The following PPM1E variants were observed in gnomAD, a reference collection of about 807,000 sequenced individuals.
The protein encoded by PPM1E is protein phosphatase 1E.
PPM1E carries 20 observed loss-of-function variants against 65.9 expected under a neutral mutation model. The ratio of observed to expected loss-of-function variants is 0.30; its 90% CI spans 0.21 to 0.44. PPM1E has a LOEUF of 0.44. Among genes scored for constraint, PPM1E ranks in the 20% least tolerant of loss-of-function variants. PPM1E has a pLI of 1.00. For synonymous variants in PPM1E, 352 were observed against 374.9 expected (o/e 0.94, Z 0.70); for missense variants, 713 against 953.1 (o/e 0.75, Z 3.32).
rs1222164534 is a variant in PPM1E, at chr17:58,984,694, C to A, written c.*3663C>A. On this transcript the variant is annotated 3_prime_UTR_variant, in exon 7 of 7. Coordinates refer to ENST00000308249, the MANE Select transcript of PPM1E (RefSeq NM_014906.5). ...TCTTGCAAAACAAAGTAAGATACCA[C>A]CAGTATTACAACACAATGATTTTCC... 6.6e-6 allele frequency: 1 copy of A among 152,574 alleles called. No individual in the cohort carries two copies. The highest frequency in any genetic ancestry group is 1.5e-5 in the Non-Finnish European group (1 of 68,022). The allele number at this position is 152,574 out of a possible 1,614,324, so 9.5% of individuals were successfully genotyped here. A position where few individuals can be genotyped will look rare whatever the true frequency, so the allele number is the denominator to read the frequency against.
intron 1 of PPM1E, among the ~76,000 whole-genome samples, chr17:58,795,905 C>T (rs1219565312): frequency 2.0e-5 from 3 of 151,962 alleles, no homozygotes; most frequent in Non-Finnish European, 4.4e-5. Context: ...AACTTGTTTA[C>T]GTTTCTTATA....
chr17:58,756,475 G>A lies in PPM1E; in HGVS notation c.464+14G>A, dbSNP rs2049765471. The A allele has an allele frequency of 7.8e-7, 1 of 1,275,588 alleles. No individual in the cohort carries two copies. The allele number at this position is 1,275,588 out of a possible 1,614,324, so 79.0% of individuals were successfully genotyped here. A position where few individuals can be genotyped will look rare whatever the true frequency, so the allele number is the denominator to read the frequency against. On this transcript the variant is annotated intron_variant, in intron 1 of 6. Coordinates refer to ENST00000308249, the MANE Select transcript of PPM1E (RefSeq NM_014906.5). ...GCTCTACAAATAGTTAAGTAGCTGGGCTTGGCTGGTGGTGGGCCCGCGGTC... is the reference window on the plus strand; with the variant it reads ...GCTCTACAAATAGTTAAGTAGCTGGACTTGGCTGGTGGTGGGCCCGCGGTC...
intron 1 of PPM1E, among the ~76,000 whole-genome samples, chr17:58,776,806 C>A (rs1326460580): frequency 6.6e-6 from 1 of 152,092 alleles, no homozygotes; most frequent in Non-Finnish European, 1.5e-5. Flanking sequence ...TACCATCAGA[C>A]TCTGTTATAA....
intron 1 of PPM1E, among the ~76,000 whole-genome samples, chr17:58,757,831 TA>T (rs1207145096): frequency 1.3e-5 from 2 of 152,196 alleles, no homozygotes; most frequent in African/African-American, 4.8e-5. Context: ...TACCGTCAAT[TA>T]GCAAGGTAAT....
chr17:58,787,918 A>G (rs544320116), intron 1 of PPM1E, among the ~76,000 whole-genome samples: 1 of 151,722 alleles, frequency 6.6e-6, no homozygotes, highest in African/African-American at 2.4e-5. Flanking sequence ...AAAAAAAAAA[A>G]AAAGAAAAGA....
chr17:58,878,905 T>TA (rs71143297), intron 1 of PPM1E, among the ~76,000 whole-genome samples: 4,169 of 145,260 alleles, frequency 0.029, 174 homozygotes, highest in African/African-American at 0.097. Flanking sequence ...ACTGCATCTC[T>TA]AAAAAAAAAA....
intron 1 of PPM1E, among the ~76,000 whole-genome samples, chr17:58,763,254 CT>C (rs2144146047): frequency 6.6e-6 from 1 of 152,162 alleles, no homozygotes; most frequent in South Asian, 2.1e-4. Flanking sequence ...AGACTCTGTC[CT>C]TTTTAACCTG....
chr17:58,866,038 A>C (rs2050999843), intron 1 of PPM1E, among the ~76,000 whole-genome samples: 1 of 152,210 alleles, frequency 6.6e-6, no homozygotes, highest in African/African-American at 2.4e-5. Flanking sequence ...CTTGTGGTTT[A>C]GATGCAGAGA....
intron 5 of PPM1E, 52 bp from the exon 6 acceptor site, chr17:58,972,780 G>T (rs770030669): frequency 8.0e-5 from 117 of 1,459,908 alleles, no homozygotes; most frequent in Non-Finnish European, 9.6e-5. Flanking sequence ...TAAAGTAAAT[G>T]AATAAATCCT....
At chr17:58,927,077 A>G (rs2051831678) in intron 1 of PPM1E, among the ~76,000 whole-genome samples, 1 of 147,252 alleles carries the variant, frequency 6.8e-6, no homozygotes, top group South Asian at 2.2e-4. Context: ...TTTAAAATAT[A>G]TTCATTTTTA....
At position 58,932,904 on chromosome 17, in the gene PPM1E, C is replaced by T. The variant is rs570957093; in HGVS notation, c.465-22745C>T. 4.1e-4 allele frequency among the ~76,000 whole-genome samples: 63 copies of T among 152,206 alleles called. 1 individual carries two copies. The highest frequency in any genetic ancestry group is 1.4e-3 in the African/African-American group (58 of 41,522). ...TCCCATAAAATTGTAATAGAGCTGC[C>T]CTGCTCTATATAGATGTACCGTTTT... On this transcript the variant is annotated intron_variant, in intron 1 of 6. Coordinates refer to ENST00000308249, the MANE Select transcript of PPM1E (RefSeq NM_014906.5).
chr17:58,823,988 C>G (rs140340027), intron 1 of PPM1E, among the ~76,000 whole-genome samples: 2,269 of 152,180 alleles, frequency 0.015, 44 homozygotes, highest in African/African-American at 0.052. Context: ...CCTCAGCCTC[C>G]CAAAGTGCTG....
intron 1 of PPM1E, among the ~76,000 whole-genome samples, chr17:58,842,835 G>A (rs1279427272): frequency 1.3e-5 from 2 of 152,206 alleles, no homozygotes; most frequent in Non-Finnish European, 2.9e-5. Context: ...CTACTCGGGA[G>A]GATGAGGCAG....
intron 1 of PPM1E, among the ~76,000 whole-genome samples, chr17:58,802,038 G>A (rs972181153): frequency 4.6e-5 from 7 of 152,112 alleles, no homozygotes; most frequent in Non-Finnish European, 7.4e-5. Flanking sequence ...AATTACAGGC[G>A]TGAGCCATCA....
intron 1 of PPM1E, among the ~76,000 whole-genome samples, chr17:58,874,789 A>G (rs186242302): frequency 2.0e-5 from 3 of 152,244 alleles, no homozygotes; most frequent in Non-Finnish European, 2.9e-5. Flanking sequence ...TCACATTGCA[A>G]TTTTCTATAG....
At chr17:58,797,563 C>A (rs2143036254) in intron 1 of PPM1E, among the ~76,000 whole-genome samples, 1 of 152,212 alleles carries the variant, frequency 6.6e-6, no homozygotes, top group Non-Finnish European at 1.5e-5. Context: ...CTTTTTATTG[C>A]TGAGTAGTAT....
chr17:58,778,885 C>CT (rs2050022341), intron 1 of PPM1E, among the ~76,000 whole-genome samples: 2 of 140,092 alleles, frequency 1.4e-5, no homozygotes, highest in Admixed American at 1.5e-4. Context: ...TTCTCTATTT[C>CT]TTTTTTTCTA....
intron 1 of PPM1E, among the ~76,000 whole-genome samples, chr17:58,940,272 A>G (rs2052046581): frequency 6.6e-6 from 1 of 152,234 alleles, no homozygotes; most frequent in Admixed American, 6.5e-5. Context: ...ATATTCTCTG[A>G]TGTGACTGCT....
intron 2 of PPM1E, among the ~76,000 whole-genome samples, chr17:58,963,367 A>C (rs1191728533): frequency 1.4e-5 from 2 of 147,658 alleles, no homozygotes; most frequent in African/African-American, 5.1e-5. Flanking sequence ...AGCCTGGGCG[A>C]CAAGAGTGAA....
Sources: allele counts gnomAD v4.1 joint callset (sites outside exome capture counted in the v4.1 genomes callset), GRCh38; gene constraint gnomAD v4.1.1; transcripts MANE v1.5; gene names NCBI Gene and HGNC (gene_info 2026-07-23, HGNC 2026-07-21).